The following YAF2 variants were observed in gnomAD, a reference collection of about 807,000 sequenced individuals.
YAF2 encodes the protein YY1 associated factor 2.
A neutral mutation model predicts 20.1 loss-of-function variants in YAF2; 7 were observed. The observed-to-expected ratio is 0.35, with a 90% CI of 0.20 to 0.65. The LOEUF is 0.65. Among genes scored for constraint, YAF2 ranks in the 30% least tolerant of loss-of-function variants. The pLI is 0.69. For synonymous variants in YAF2, 74 were observed against 76.0 expected (o/e 0.97, Z 0.14); for missense variants, 151 against 219.2 (o/e 0.69, Z 1.96).
chr12:42,218,965 G>C (rs1283217319), intron 2 of YAF2, among the ~76,000 whole-genome samples: 2 of 152,048 alleles, frequency 1.3e-5, no homozygotes, highest in Non-Finnish European at 2.9e-5. Context: ...CTCACTAATA[G>C]CTCTTCTTTT....
At chr12:42,171,190 C>T (rs1313264276) in intron 2 of YAF2, among the ~76,000 whole-genome samples, 1 of 152,190 alleles carries the variant, frequency 6.6e-6, no homozygotes, top group Non-Finnish European at 1.5e-5. Context: ...CGGGATTTCA[C>T]CATATTGCCC....
intron 2 of YAF2, among the ~76,000 whole-genome samples, chr12:42,178,285 C>A (rs1219749446): frequency 2.6e-5 from 4 of 152,018 alleles, no homozygotes; most frequent in African/African-American, 9.7e-5. Flanking sequence ...ATACTTGGGC[C>A]CCCACCCAGA....
At chr12:42,234,317 CCT>C in intron 2 of YAF2, 2 of 985,380 alleles carry the variant, frequency 2.0e-6, no homozygotes, top group Non-Finnish European at 2.4e-6. Context: ...TAAAAAATTT[CCT>C]GTCAGTTTGA....
intron 2 of YAF2, among the ~76,000 whole-genome samples, chr12:42,223,327 T>TACACACACACACAC (rs548568577): frequency 1.2e-3 from 153 of 131,802 alleles, no homozygotes; most frequent in African/African-American, 4.3e-3. Context: ...TTCTTTAAAA[T>TACACACACACACAC]ACATACACAC....
At chr12:42,193,338 C>T (rs1275600070) in intron 2 of YAF2, among the ~76,000 whole-genome samples, 1 of 151,310 alleles carries the variant, frequency 6.6e-6, no homozygotes, top group Non-Finnish European at 1.5e-5. Flanking sequence ...AAAAAAATAG[C>T]ACATGCAATT....
chr12:42,234,297 T>A, intron 2 of YAF2: 1 of 985,442 alleles, frequency 1.0e-6, no homozygotes, highest in Non-Finnish European at 1.2e-6. Context: ...CGTGGCATTT[T>A]GTTTCCTTTT....
At chr12:42,200,325 A>G (rs1176100580) in intron 2 of YAF2, among the ~76,000 whole-genome samples, 1 of 152,190 alleles carries the variant, frequency 6.6e-6, no homozygotes, top group African/African-American at 2.4e-5. Context: ...AACTGAATCA[A>G]AATTATTTTC....
chr12:42,207,112 A>G (rs73131166), intron 2 of YAF2, among the ~76,000 whole-genome samples: 5,524 of 152,300 alleles, frequency 0.036, 147 homozygotes, highest in Admixed American at 0.061. Flanking sequence ...AAGCACTCTC[A>G]ATATAACGAC....
In YAF2 at chr12:42,234,745, T is replaced by G. The variant is rs889231840; in HGVS notation, c.152+2854A>C. The G allele has an allele frequency of 3.1e-6, 3 of 978,276 alleles. No homozygotes were observed. The African/African-American group carries it at 5.3e-5, about 17-fold the overall frequency. The allele number at this position is 978,276 out of a possible 1,614,324, so 60.6% of individuals were successfully genotyped here. A position where few individuals can be genotyped will look rare whatever the true frequency, so the allele number is the denominator to read the frequency against. On this transcript the variant is annotated intron_variant, in intron 2 of 3. Transcript: ENST00000534854. ...GCTCATTCCTATAATCCCAGTTCTT[T>G]GGGAGGCCAAGGTAGGAGGATCACT... is the stretch of plus-strand genomic sequence containing the variant.
chr12:42,208,059 A>G (rs1021306370), intron 2 of YAF2, among the ~76,000 whole-genome samples: 3 of 152,246 alleles, frequency 2.0e-5, no homozygotes, highest in Admixed American at 1.3e-4. Flanking sequence ...TAAGAGTTGC[A>G]TATTTTTATT....
intron 2 of YAF2, among the ~76,000 whole-genome samples, chr12:42,193,113 G>A (rs966997420): frequency 2.0e-5 from 3 of 152,064 alleles, no homozygotes; most frequent in Non-Finnish European, 2.9e-5. Flanking sequence ...CCAGGAGTTT[G>A]AGACCAGCCT....
At chr12:42,170,045 A>AT (rs749637972) in intron 2 of YAF2, among the ~76,000 whole-genome samples, 4 of 151,072 alleles carry the variant, frequency 2.6e-5, no homozygotes, top group Admixed American at 1.3e-4. Context: ...TAATTTTTTT[A>AT]TTTTTTGTAG....
At chr12:42,237,573 G>A in intron 2 of YAF2, 26 bp downstream of exon 2, 1 of 1,494,604 alleles carries the variant, frequency 6.7e-7, no homozygotes, top group African/African-American at 1.4e-5. Context: ...CCGGCCGGCG[G>A]CGCGAGGGGC....
intron 2 of YAF2, among the ~76,000 whole-genome samples, chr12:42,207,572 A>C (rs2067080458): frequency 1.3e-5 from 2 of 152,312 alleles, no homozygotes; most frequent in African/African-American, 4.8e-5. Context: ...TGATGAGCCA[A>C]ATGAAACTGC....
intron 2 of YAF2, among the ~76,000 whole-genome samples, chr12:42,228,433 T>C (rs1314082980): frequency 3.2e-5 from 1 of 30,788 alleles, no homozygotes; most frequent in African/African-American, 2.1e-4. Context: ...GGTGGGGGGG[T>C]CAGCCCCCCG....
At chr12:42,189,523 G>A (rs1045642624) in intron 2 of YAF2, among the ~76,000 whole-genome samples, 3 of 152,186 alleles carry the variant, frequency 2.0e-5, no homozygotes, top group African/African-American at 7.2e-5. Context: ...TTAGGGGCCT[G>A]AGAGCATGAT....
Position 42,238,175 on chromosome 12 carries a change from T to G in YAF2, c.6A>C (p.Gly2=). The part of the protein sequence containing the change: M[G]DKKSPTRPKR... ...GTTACCTGGTGGGGCTCTTCTTGTC[T>G]CCCATGGCTTGGCTATCACCGCACG... The change falls in exon 1 of 4, where the codon GGA becomes GGC. Residue 2 remains glycine (G), a synonymous_variant. Transcript: ENST00000534854. The G allele has an allele frequency of 1.3e-6, 2 of 1,524,946 alleles. No homozygotes were observed. Among genetic ancestry groups the G allele is most frequent in the South Asian group, 2.4e-5 (2 of 84,274 alleles). The allele number at this position is 1,524,946 out of a possible 1,614,324, so 94.5% of individuals were successfully genotyped here.
rs142220463 is a variant in YAF2, at chr12:42,193,993, G to T, written c.153-32228C>A. Among the ~76,000 whole-genome samples, 26 of 152,200 alleles carry T rather than the reference G, an allele frequency of 1.7e-4. No homozygotes were observed. The East Asian group carries it at 4.1e-3, about 24-fold the overall frequency. The stretch of plus-strand genomic sequence containing the variant: ...AAAGTAATAAAGTAAAAAAATTTTT[G>T]AATGGAGAAAGCACACAGAATAAGG... On this transcript the variant is annotated intron_variant, in intron 2 of 3. Coordinates refer to ENST00000534854, the MANE Select transcript of YAF2 (RefSeq NM_005748.6).
At chr12:42,233,180 T>C (rs559471088) in intron 2 of YAF2, 5 of 985,428 alleles carry the variant, frequency 5.1e-6, no homozygotes, top group Admixed American at 6.1e-5. Flanking sequence ...CTAGCACTCT[T>C]TCTACTATGT....
Sources: gnomAD v4.1 joint callset for allele counts (sites outside exome capture counted in the v4.1 genomes callset) on GRCh38, gnomAD v4.1.1 for gene constraint, MANE v1.5 for transcripts, NCBI Gene and HGNC (gene_info 2026-07-23, HGNC 2026-07-21) for gene names.